The following TSGA10 variants were observed in gnomAD, a reference collection of about 807,000 sequenced individuals.
The protein encoded by TSGA10 is testis-specific gene 10 protein.
A neutral mutation model predicts 96.6 loss-of-function variants in TSGA10; 43 were observed. The observed-to-expected ratio is 0.44, with a 90% confidence interval of 0.35 to 0.57. TSGA10 has a LOEUF of 0.57. Among genes scored for constraint, TSGA10 ranks in the 20% least tolerant of loss-of-function variants. The probability of loss-of-function intolerance (pLI) is 0.01; values close to 1 mark genes in which losing one functional copy is unlikely to be tolerated. For missense variants in TSGA10, 703 were observed against 834.4 expected (o/e 0.84, Z 1.94); for synonymous variants, 229 against 269.9 (o/e 0.85, Z 1.48).
At chr2:99,149,373 C>G (rs1223306076) in intron 1 of TSGA10, among the ~76,000 whole-genome samples, 2 of 151,880 alleles carry the variant, frequency 1.3e-5, no homozygotes, top group Non-Finnish European at 2.9e-5. Flanking sequence ...TCTTTGAAAG[C>G]GAAACCCTAA....
intron 16 of TSGA10, among the ~76,000 whole-genome samples, chr2:99,036,929 T>A (rs1445554241): frequency 6.6e-6 from 1 of 152,102 alleles, no homozygotes; most frequent in Non-Finnish European, 1.5e-5. Context: ...GACATAACAA[T>A]CCTTAATGTG....
At chr2:99,080,897 A>T (rs561495215) in intron 11 of TSGA10, among the ~76,000 whole-genome samples, 1 of 152,296 alleles carries the variant, frequency 6.6e-6, no homozygotes, top group African/African-American at 2.4e-5. Flanking sequence ...GTGATAAGTG[A>T]GTTCTCGCTA....
At chr2:99,038,800 T>A (rs1036578364) in intron 16 of TSGA10, among the ~76,000 whole-genome samples, 1 of 152,248 alleles carries the variant, frequency 6.6e-6, no homozygotes. Flanking sequence ...TTCACAGATA[T>A]TTACAGAACA....
chr2:99,022,333 A>C (rs184041726), intron 17 of TSGA10, among the ~76,000 whole-genome samples: 1,625 of 150,204 alleles, frequency 0.011, 20 homozygotes, highest in Middle Eastern at 0.02. Context: ...TCAAAAAAAA[A>C]AAAAAAAAAA....
intron 4 of TSGA10, among the ~76,000 whole-genome samples, chr2:99,111,127 C>A (rs984273684): frequency 6.6e-6 from 1 of 152,048 alleles, no homozygotes; most frequent in Non-Finnish European, 1.5e-5. Context: ...TAAATTCAAT[C>A]TTTTGTATAA....
intron 17 of TSGA10, 73 bp from the exon 18 acceptor site, chr2:99,020,555 C>T (rs1025574465): frequency 1.5e-5 from 17 of 1,129,360 alleles, no homozygotes; most frequent in Non-Finnish European, 2.2e-5. Flanking sequence ...CAGGGACTCA[C>T]AAAATTTTCA....
intron 15 of TSGA10, among the ~76,000 whole-genome samples, chr2:99,066,285 T>C (rs1272521166): frequency 6.6e-6 from 1 of 152,226 alleles, no homozygotes; most frequent in Non-Finnish European, 1.5e-5. Context: ...AAGATTCAGA[T>C]ACTCCAACTG....
rs1034052550 is a variant in TSGA10, at chr2:99,059,019, G to C, written c.1404+5920C>G. On this transcript the variant is annotated intron_variant, in intron 16 of 20. Coordinates refer to ENST00000393483, the MANE Select transcript of TSGA10 (RefSeq NM_025244.4). Reference sequence around the variant, plus strand: ...CCAGTGTGCTCCAGTCTGGGCAACAGAGTGAGACTCTGTCTCAAAAAAAAA... The same window carrying C: ...CCAGTGTGCTCCAGTCTGGGCAACACAGTGAGACTCTGTCTCAAAAAAAAA... 2.7e-5 allele frequency among the ~76,000 whole-genome samples: 4 copies of C among 145,542 alleles called. No homozygotes were observed. In the Admixed American group the frequency reaches 2.8e-4, roughly 10 times the overall value.
At chr2:99,107,240 A>C (rs1483149624) in intron 7 of TSGA10, among the ~76,000 whole-genome samples, 1 of 152,134 alleles carries the variant, frequency 6.6e-6, no homozygotes, top group Admixed American at 6.5e-5. Flanking sequence ...ATCTCCATTG[A>C]AACACCCTTG....
At chr2:99,002,136 C>T (rs60404615) in intron 20 of TSGA10, among the ~76,000 whole-genome samples, 28 of 152,056 alleles carry the variant, frequency 1.8e-4, no homozygotes, top group Non-Finnish European at 2.5e-4. Context: ...ATACAGAGAA[C>T]GCTACAAAGA....
intron 10 of TSGA10, among the ~76,000 whole-genome samples, chr2:99,087,273 G>A (rs1027291398): frequency 3.9e-5 from 6 of 152,040 alleles, no homozygotes; most frequent in East Asian, 1.9e-4. Context: ...TTGGGAGGTC[G>A]AGGCAGGCAG....
chr2:99,121,833 A>G (rs566568892), intron 2 of TSGA10, among the ~76,000 whole-genome samples: 7 of 152,206 alleles, frequency 4.6e-5, no homozygotes, highest in Admixed American at 1.3e-4. Context: ...TTTTGGTATC[A>G]TATCTAAGAA....
intron 2 of TSGA10, among the ~76,000 whole-genome samples, chr2:99,119,666 C>A (rs1359398390): frequency 6.6e-6 from 1 of 152,158 alleles, no homozygotes; most frequent in Non-Finnish European, 1.5e-5. Context: ...CCCTAACAAT[C>A]ATTAATTATT....
intron 10 of TSGA10, among the ~76,000 whole-genome samples, chr2:99,090,158 G>GAAATAAC (rs1292243389): frequency 6.6e-6 from 1 of 152,106 alleles, no homozygotes; most frequent in East Asian, 1.9e-4. Flanking sequence ...ATACAGAAGA[G>GAAATAAC]AAATAACAAT....
intron 10 of TSGA10, among the ~76,000 whole-genome samples, chr2:99,084,973 C>T (rs956760326): frequency 7.9e-5 from 12 of 151,602 alleles, no homozygotes; most frequent in African/African-American, 2.7e-4. Flanking sequence ...GCATCCAGGC[C>T]GGGAGCGGTG....
chr2:99,078,878 A>T (rs1016146627), intron 11 of TSGA10, 65 bp from the exon 12 acceptor site: 2 of 1,387,744 alleles, frequency 1.4e-6, no homozygotes, highest in Non-Finnish European at 1.9e-6. Context: ...TTTCAAGCAG[A>T]TTATCGTACT....
At chr2:99,124,561 T>C (rs1024670580) in intron 2 of TSGA10, among the ~76,000 whole-genome samples, 17 of 152,222 alleles carry the variant, frequency 1.1e-4, no homozygotes, top group Admixed American at 3.3e-4. Flanking sequence ...TTTGTTACAA[T>C]TGATGAAATA....
chr2:99,072,019 C>A, intron 13 of TSGA10, 145 bp from the exon 14 acceptor site: 1 of 660,496 alleles, frequency 1.5e-6, no homozygotes, highest in Non-Finnish European at 2.5e-6. Flanking sequence ...ATAAATACTG[C>A]AAAGACAGTG....
At chr2:99,092,782 T>C (rs1196105627) in intron 10 of TSGA10, among the ~76,000 whole-genome samples, 3 of 151,790 alleles carry the variant, frequency 2.0e-5, no homozygotes, top group Non-Finnish European at 2.9e-5. Context: ...AATTTAAAAA[T>C]TGCCCACAAA....
Sources: gnomAD v4.1 joint callset for allele counts (sites outside exome capture counted in the v4.1 genomes callset) on GRCh38, gnomAD v4.1.1 for gene constraint, MANE v1.5 for transcripts, NCBI Gene and HGNC (gene_info 2026-07-23, HGNC 2026-07-21) for gene names.